Variants in PDSS2 observed in about 807,000 individuals in gnomAD.
PDSS2 encodes decaprenyl diphosphate synthase subunit 2.
PDSS2 carries 31 observed loss-of-function variants against 44.5 expected under a neutral mutation model. That is an observed-to-expected ratio of 0.70 (90% CI 0.52 to 0.94). The LOEUF is 0.94. Among genes scored for constraint, PDSS2 ranks in the 40% least tolerant of loss-of-function variants. The pLI, the probability that PDSS2 is intolerant of heterozygous loss-of-function variation, is 0.00. For missense variants in PDSS2, 452 were observed against 482.2 expected, an observed-to-expected ratio of 0.94 and a Z score of 0.59; for synonymous variants, 157 against 180.3, an observed-to-expected ratio of 0.87 and a Z score of 1.03.
In PDSS2 at chr6:107,313,933, T is replaced by C. The variant is rs1328576398; in HGVS notation, c.431+20265A>G. 2.0e-5 allele frequency among the ~76,000 whole-genome samples: 3 copies of C among 152,134 alleles called. No homozygotes were observed. In the East Asian group the frequency reaches 5.8e-4, roughly 30 times the overall value. On this transcript the variant is annotated intron_variant, in intron 2 of 7. Transcript: ENST00000369037. ...TGGGAGGCTGAGGCTGAAGGATTCC[T>C]GGAGGACAGGCGTTCAAGACCAGCC...
chr6:107,436,096 C>T (rs895230518), intron 1 of PDSS2, among the ~76,000 whole-genome samples: 1 of 152,150 alleles, frequency 6.6e-6, no homozygotes, highest in African/African-American at 2.4e-5. Context: ...TAACTATGTG[C>T]CCATTTTTAA....
chr6:107,333,005 T>C (rs900972909), intron 2 of PDSS2, among the ~76,000 whole-genome samples: 11 of 152,200 alleles, frequency 7.2e-5, no homozygotes, highest in Non-Finnish European at 1.0e-4. Flanking sequence ...GGAAGGATCA[T>C]TGAATTTCTG....
chr6:107,264,252 C>T (rs1775339329), intron 3 of PDSS2: 2 of 1,303,788 alleles, frequency 1.5e-6, no homozygotes, highest in Non-Finnish European at 2.0e-6. Context: ...ATAAATTGAG[C>T]ATATTTGTAC....
At chr6:107,218,879 GA>G (rs1171260542) in intron 4 of PDSS2, among the ~76,000 whole-genome samples, 1 of 152,084 alleles carries the variant, frequency 6.6e-6, no homozygotes, top group Non-Finnish European at 1.5e-5. Flanking sequence ...CCAACATGGT[GA>G]AACTTTGTCT....
At position 107,298,254 on chromosome 6, in the gene PDSS2, G is replaced by C. The variant is rs539350363; in HGVS notation, c.432-24027C>G. On this transcript the variant is annotated intron_variant, in intron 2 of 7. Transcript: ENST00000369037. The stretch of plus-strand genomic sequence containing the variant: ...ACACATATAGTTGGCCATTGGTATT[G>C]GTGGGTTCTACATTCCTGGATTCAA... Among the ~76,000 whole-genome samples, 9 of 152,158 alleles carry C rather than the reference G, an allele frequency of 5.9e-5. No individual in the cohort carries two copies. In the South Asian group the frequency reaches 1.9e-3, roughly 32 times the overall value.
chr6:107,169,530 T>G (rs1331879247), intron 7 of PDSS2, among the ~76,000 whole-genome samples: 1 of 152,174 alleles, frequency 6.6e-6, no homozygotes. Context: ...AGGAGATGCA[T>G]TCCTTTGGAG....
intron 6 of PDSS2, among the ~76,000 whole-genome samples, chr6:107,204,524 C>A (rs1772906779): frequency 6.6e-6 from 1 of 152,146 alleles, no homozygotes; most frequent in Non-Finnish European, 1.5e-5. Flanking sequence ...TTTTCACATT[C>A]CACCCAAATT....
intron 7 of PDSS2, among the ~76,000 whole-genome samples, chr6:107,181,205 A>G (rs937023946): frequency 7.9e-5 from 12 of 152,224 alleles, no homozygotes; most frequent in African/African-American, 2.9e-4. Flanking sequence ...AAGAAAAATA[A>G]AAGAGATTTA....
In PDSS2 at chr6:107,154,644, A is replaced by G; in HGVS notation, c.1175T>C (p.Val392Ala). ...SEARSALENI[V>A]FAVTRFS ...TCATGAAAATCTGGTCACAGCAAAC[A>G]CAATGTTTTCTAAAGCAGATCTGGC... The change falls in exon 8 of 8, where the codon GTG becomes GCG. Residue 392 changes from valine to alanine, a missense_variant. By Grantham distance (64) the Val-to-Ala change is moderately conservative. Coordinates refer to ENST00000369037, the MANE Select transcript of PDSS2 (RefSeq NM_020381.4). 2.5e-6 allele frequency: 4 copies of G among 1,614,204 alleles called. No individual in the cohort carries two copies. The highest frequency in any genetic ancestry group is 3.4e-6 in the Non-Finnish European group (4 of 1,180,018).
chr6:107,287,680 C>T (rs1776202592), intron 2 of PDSS2, among the ~76,000 whole-genome samples: 1 of 152,018 alleles, frequency 6.6e-6, no homozygotes, highest in Non-Finnish European at 1.5e-5. Flanking sequence ...CACCACCACA[C>T]CTGGCTAATT....
At chr6:107,284,914 A>T (rs1292065646) in intron 2 of PDSS2, among the ~76,000 whole-genome samples, 1 of 152,222 alleles carries the variant, frequency 6.6e-6, no homozygotes, top group Admixed American at 6.5e-5. Context: ...GTTAATAAAC[A>T]AAATAATATA....
At chr6:107,325,904 T>C (rs1158089971) in intron 2 of PDSS2, among the ~76,000 whole-genome samples, 1 of 152,178 alleles carries the variant, frequency 6.6e-6, no homozygotes, top group Non-Finnish European at 1.5e-5. Flanking sequence ...TGTGCAAATG[T>C]GTTAATCTTT....
intron 1 of PDSS2, among the ~76,000 whole-genome samples, chr6:107,372,873 G>A (rs1467030648): frequency 1.3e-5 from 2 of 152,046 alleles, no homozygotes; most frequent in African/African-American, 2.4e-5. Flanking sequence ...CACTTTCAAA[G>A]TCTAGGTCTC....
chr6:107,455,412 A>C (rs1253371870), intron 1 of PDSS2, among the ~76,000 whole-genome samples: 2 of 151,738 alleles, frequency 1.3e-5, no homozygotes, highest in Non-Finnish European at 2.9e-5. Context: ...TATCATTGAC[A>C]CTATCATTTC....
intron 7 of PDSS2, among the ~76,000 whole-genome samples, chr6:107,165,695 T>C (rs1771317922): frequency 6.6e-6 from 1 of 151,862 alleles, no homozygotes; most frequent in African/African-American, 2.4e-5. Context: ...TTTCCAATTC[T>C]GTGAAGAAAG....
intron 6 of PDSS2, among the ~76,000 whole-genome samples, chr6:107,207,016 G>A (rs1773001139): frequency 6.7e-6 from 1 of 150,074 alleles, no homozygotes; most frequent in South Asian, 2.1e-4. Flanking sequence ...TTTTTTAGAC[G>A]GAGTCTTGTT....
chr6:107,414,219 A>G (rs966828260), intron 1 of PDSS2, among the ~76,000 whole-genome samples: 3 of 152,218 alleles, frequency 2.0e-5, no homozygotes, highest in Admixed American at 2.0e-4. Flanking sequence ...TTGTTTCTAA[A>G]AGGGTCTTCC....
chr6:107,445,336 C>T (rs1446610157), intron 1 of PDSS2, among the ~76,000 whole-genome samples: 1 of 152,066 alleles, frequency 6.6e-6, no homozygotes, highest in East Asian at 1.9e-4. Flanking sequence ...ATCTATGTCA[C>T]ATACCTGGGC....
chr6:107,291,453 GC>G (rs1247193997), intron 2 of PDSS2, among the ~76,000 whole-genome samples: 4 of 149,968 alleles, frequency 2.7e-5, no homozygotes, highest in Non-Finnish European at 5.9e-5. Context: ...GCTCAAGGAA[GC>G]CTTCCACTTC....
Sources: allele counts gnomAD v4.1 joint callset (sites outside exome capture counted in the v4.1 genomes callset), GRCh38; gene constraint gnomAD v4.1.1; transcripts MANE v1.5; gene names NCBI Gene and HGNC (gene_info 2026-07-23, HGNC 2026-07-21).